Variants in PRICKLE2 observed in about 807,000 individuals in gnomAD.
PRICKLE2 encodes the protein prickle planar cell polarity protein 2.
PRICKLE2 carries 21 observed loss-of-function variants against 81.4 expected under a neutral mutation model. The ratio of observed to expected loss-of-function variants is 0.26; its 90% confidence interval spans 0.18 to 0.37. PRICKLE2 has a LOEUF of 0.37. Among genes scored for constraint, PRICKLE2 ranks in the 10% least tolerant of loss-of-function variants. The pLI is 1.00. For synonymous variants in PRICKLE2, 456 were observed against 421.5 expected, an observed-to-expected ratio of 1.08 and a Z score of -1.00; for missense variants, 940 against 1,109.0, an observed-to-expected ratio of 0.85 and a Z score of 2.16.
chr3:64,142,990 C>A (rs190201187), intron 7 of PRICKLE2, among the ~76,000 whole-genome samples: 1 of 152,024 alleles, frequency 6.6e-6, no homozygotes, highest in Non-Finnish European at 1.5e-5. Flanking sequence ...GACTCCAGAA[C>A]CAGTAATCCT....
rs2076602829 is a variant in PRICKLE2, at chr3:64,098,533, T to C, written c.*518A>G. The stretch of plus-strand genomic sequence containing the variant: ...ACATTTCAATACTACTCAGAGACAA[T>C]GGTGGATGTGCATGCAAGTCCCCAC... On this transcript the variant is annotated 3_prime_UTR_variant, in exon 8 of 8. Transcript: ENST00000638394. 1.4e-5 allele frequency: 2 copies of C among 145,530 alleles called. No individual in the cohort carries two copies. Among genetic ancestry groups the C allele is most frequent in the Non-Finnish European group, 2.9e-5 (2 of 68,062 alleles). The allele number at this position is 145,530 out of a possible 1,614,324, so 9.0% of individuals were successfully genotyped here.
chr3:64,157,257 G>A lies in PRICKLE2; in HGVS notation c.505C>T (p.Leu169=). 1 of 1,614,250 alleles carries A rather than the reference G, an allele frequency of 6.2e-7. No homozygotes were observed. Residue 169 remains leucine (L), a synonymous_variant, in exon 5 of 8, where the codon CTG becomes TTG. Coordinates refer to ENST00000638394, the MANE Select transcript of PRICKLE2 (RefSeq NM_198859.4). ...TGGTAAAAGTAGATCAGATCCACCA[G>A]GAGCTCATTGCAGACAGTGCATACG... ...CFVCTVCNEL[L]VDLIYFYQDG...
intron 2 of PRICKLE2, among the ~76,000 whole-genome samples, chr3:64,259,607 T>C (rs1371785878): frequency 7.0e-6 from 1 of 142,434 alleles, no homozygotes; most frequent in East Asian, 2.0e-4. Flanking sequence ...CCCTTGCAGA[T>C]ATAATTAAAT....
At chr3:64,142,077 T>C (rs1420432678) in intron 7 of PRICKLE2, 9 of 307,448 alleles carry the variant, frequency 2.9e-5, no homozygotes, top group Non-Finnish European at 3.8e-5. Context: ...CCAAGTCTAG[T>C]CCTCGGTGTA....
Position 64,147,787 on chromosome 3 carries a change from T to G in PRICKLE2, c.788-85A>C. 6.8e-7 allele frequency: 1 copy of G among 1,460,640 alleles called. No homozygotes were observed. The highest frequency in any genetic ancestry group is 9.6e-7 in the Non-Finnish European group (1 of 1,043,848). The allele number at this position is 1,460,640 out of a possible 1,614,324, so 90.5% of individuals were successfully genotyped here. Reference sequence around the variant, plus strand: ...GTGAAACACATAGCACCTTGGTTTGTCTCAGGATTCCAGGTGCGGCAGGAT... The same window carrying G: ...GTGAAACACATAGCACCTTGGTTTGGCTCAGGATTCCAGGTGCGGCAGGAT... On this transcript the variant is annotated intron_variant, in intron 6 of 7. Coordinates refer to ENST00000638394, the MANE Select transcript of PRICKLE2 (RefSeq NM_198859.4). This position sits in a 1 kb window ranked among gnomAD's most constrained non-coding sequence, Gnocchi z 5.0.
chr3:64,256,154 G>T (rs753206629), intron 2 of PRICKLE2, among the ~76,000 whole-genome samples: 5 of 152,072 alleles, frequency 3.3e-5, no homozygotes, highest in African/African-American at 1.2e-4. Flanking sequence ...TACATATAAG[G>T]CTCAGCCAGA....
intron 1 of PRICKLE2, among the ~76,000 whole-genome samples, chr3:64,213,404 C>T (rs977971135): frequency 6.6e-6 from 1 of 152,156 alleles, no homozygotes; most frequent in Non-Finnish European, 1.5e-5. Flanking sequence ...TACCAAGTTG[C>T]AATAAGGCAG....
At chr3:64,189,456 T>C (rs1249571190) in intron 2 of PRICKLE2, among the ~76,000 whole-genome samples, 3 of 152,300 alleles carry the variant, frequency 2.0e-5, no homozygotes, top group African/African-American at 7.2e-5. Flanking sequence ...TGGAGCAATG[T>C]GCATGCTCTT....
At chr3:64,180,263 C>T (rs1254682194) in intron 2 of PRICKLE2, among the ~76,000 whole-genome samples, 1 of 152,190 alleles carries the variant, frequency 6.6e-6, no homozygotes, top group Non-Finnish European at 1.5e-5. Flanking sequence ...GAAGGGACTG[C>T]TCCAATTCCT....
intron 2 of PRICKLE2, among the ~76,000 whole-genome samples, chr3:64,188,443 G>A (rs1418371928): frequency 6.6e-6 from 1 of 152,178 alleles, no homozygotes; most frequent in Non-Finnish European, 1.5e-5. Flanking sequence ...GAAACAGATT[G>A]TTGGGCTCCA....
chr3:64,265,121 T>C (rs186278780), intron 2 of PRICKLE2, among the ~76,000 whole-genome samples: 8 of 152,058 alleles, frequency 5.3e-5, no homozygotes, highest in Admixed American at 4.6e-4. Context: ...AGGAGCAGGA[T>C]ATGAAAAAAC....
chr3:64,158,638 G>C (rs559758295), intron 4 of PRICKLE2, among the ~76,000 whole-genome samples: 33 of 152,300 alleles, frequency 2.2e-4, no homozygotes, highest in African/African-American at 7.9e-4. Context: ...AACTCAGCTT[G>C]CCTGGTTCCA....
Position 64,233,127 on chromosome 3 carries a change from C to T in PRICKLE2, c.129-34160G>A, listed in dbSNP as rs186267486. Among the ~76,000 whole-genome samples the T allele has an allele frequency of 3.3e-5, 5 of 152,270 alleles. No homozygotes were observed. The East Asian group carries it at 5.8e-4, about 18-fold the overall frequency. On this transcript the variant is annotated intron_variant, in intron 2 of 8. Transcript: ENST00000295902. ...ACATTTTCCAGCCCTTGGCAAATCC[C>T]GTTAGCTCTACTGTCAAAATATACA...
upstream of PRICKLE2, among the ~76,000 whole-genome samples, chr3:64,226,340 A>T (rs1010867708): frequency 2.6e-5 from 4 of 152,212 alleles, no homozygotes; most frequent in Non-Finnish European, 4.4e-5. Context: ...GCAATCTGGA[A>T]GAAAGGAATC....
rs546499782 is a variant in PRICKLE2 at position 64,240,281 on chromosome 3, G to A, written c.129-41314C>T. Among the ~76,000 whole-genome samples, 5 of 152,302 alleles carry A rather than the reference G, an allele frequency of 3.3e-5. No homozygotes were observed. The East Asian group carries it at 9.6e-4, about 29-fold the overall frequency. On this transcript the variant is annotated intron_variant, in intron 2 of 8. Coordinates refer to the PRICKLE2 transcript ENST00000295902. ...ACCAGGCCAAGGAAAACAGTTGGAA[G>A]AACAGGTACTCCAGGTCTAATCAAG... is the stretch of plus-strand genomic sequence containing the variant.
intron 2 of PRICKLE2, among the ~76,000 whole-genome samples, chr3:64,167,028 C>T (rs576930396): frequency 7.9e-5 from 12 of 152,314 alleles, no homozygotes; most frequent in African/African-American, 2.9e-4. Context: ...CTCTGGCATT[C>T]TCCACAGTGA....
At chr3:64,193,285 CA>C (rs2078381236) in intron 2 of PRICKLE2, among the ~76,000 whole-genome samples, 1 of 152,132 alleles carries the variant, frequency 6.6e-6, no homozygotes, top group Non-Finnish European at 1.5e-5. Context: ...CTCCTTTGCA[CA>C]GGATCATCTG....
intron 7 of PRICKLE2, among the ~76,000 whole-genome samples, chr3:64,141,477 G>C (rs565271415): frequency 2.6e-5 from 4 of 152,218 alleles, no homozygotes; most frequent in Admixed American, 1.3e-4. Flanking sequence ...TCTTGATGTT[G>C]TTATTATTTC....
intron 2 of PRICKLE2, among the ~76,000 whole-genome samples, chr3:64,263,284 G>T (rs2079643635): frequency 6.6e-6 from 1 of 152,290 alleles, no homozygotes; most frequent in Admixed American, 6.5e-5. Context: ...GTACCCGAAG[G>T]AGAAAGGGTC....
Sources: allele counts gnomAD v4.1 joint callset (sites outside exome capture counted in the v4.1 genomes callset), GRCh38; gene constraint gnomAD v4.1.1; non-coding constraint Gnocchi (gnomAD v3.1); transcripts MANE v1.5; gene names NCBI Gene and HGNC (gene_info 2026-07-23, HGNC 2026-07-21).